The following TOX3 variants were observed in gnomAD, a reference collection of about 807,000 sequenced individuals.
The protein encoded by TOX3 is CAG trinucleotide repeat-containing gene F9 protein.
A neutral mutation model predicts 64.3 loss-of-function variants in TOX3; 22 were observed. The ratio of observed to expected loss-of-function variants is 0.34; its 90% CI spans 0.24 to 0.49. The LOEUF (loss-of-function observed/expected upper bound fraction) is 0.49, where lower values mean the gene tolerates loss of function less well. Among genes scored for constraint, TOX3 ranks in the 20% least tolerant of loss-of-function variants. The pLI is 0.99. For synonymous variants in TOX3, 291 were observed against 273.6 expected (o/e 1.06, Z -0.63); for missense variants, 661 against 714.4 (o/e 0.93, Z 0.85).
intron 6 of TOX3, among the ~76,000 whole-genome samples, chr16:52,442,762 A>T (rs1215208629): frequency 6.6e-6 from 1 of 152,222 alleles, no homozygotes; most frequent in East Asian, 1.9e-4. Flanking sequence ...GAGATTTAGG[A>T]TCCTCTCAAA....
At chr16:52,496,991 G>A (rs920685166) in intron 1 of TOX3, among the ~76,000 whole-genome samples, 3 of 151,938 alleles carry the variant, frequency 2.0e-5, no homozygotes, top group Non-Finnish European at 2.9e-5. Context: ...GTAGACGGAT[G>A]TTAAGTTTAA....
At chr16:52,476,272 C>A (rs1254618985) in intron 1 of TOX3, among the ~76,000 whole-genome samples, 1 of 152,142 alleles carries the variant, frequency 6.6e-6, no homozygotes, top group African/African-American at 2.4e-5. Flanking sequence ...AATGCCTAAA[C>A]ATATGGACTC....
intron 1 of TOX3, among the ~76,000 whole-genome samples, chr16:52,521,823 C>A (rs1041040340): frequency 2.0e-5 from 3 of 152,158 alleles, no homozygotes; most frequent in Non-Finnish European, 4.4e-5. Flanking sequence ...GGGTGTGGAG[C>A]GGCAACATGG....
chr16:52,472,043 G>A (rs1320384646), intron 1 of TOX3, among the ~76,000 whole-genome samples: 2 of 152,118 alleles, frequency 1.3e-5, no homozygotes, highest in Admixed American at 6.5e-5. Context: ...GAATTTCCCA[G>A]AGGTACTCAA....
At chr16:52,509,668 C>T (rs764241208) in intron 1 of TOX3, among the ~76,000 whole-genome samples, 1 of 152,180 alleles carries the variant, frequency 6.6e-6, no homozygotes, top group Non-Finnish European at 1.5e-5. Flanking sequence ...CTCACAATTC[C>T]TCCAGATGAT....
rs562039101 is a variant in TOX3, at chr16:52,518,375, T to C, written c.87+28262A>G. ...TTTAAATTTAATAAGGATCAGAATA[T>C]ATCAAAGCACAAATACCCATGGGAG... On this transcript the variant is annotated intron_variant, in intron 1 of 6. Transcript: ENST00000219746. Among the ~76,000 whole-genome samples, 514 of 152,298 alleles carry C rather than the reference T, an allele frequency of 3.4e-3. 1 individual carries two copies. The highest frequency in any genetic ancestry group is 4.8e-3 in the Non-Finnish European group (326 of 68,020).
intron 1 of TOX3, among the ~76,000 whole-genome samples, chr16:52,487,646 A>G (rs1481806450): frequency 1.3e-5 from 2 of 152,238 alleles, no homozygotes; most frequent in Admixed American, 1.3e-4. Flanking sequence ...AACAAAATGT[A>G]TAAGCCCCAA....
chr16:52,540,306 G>A (rs1350607099), intron 1 of TOX3, among the ~76,000 whole-genome samples: 2 of 151,282 alleles, frequency 1.3e-5, no homozygotes, highest in South Asian at 2.1e-4. Context: ...GGGACCACAG[G>A]TATGTGTGCA....
intron 6 of TOX3, among the ~76,000 whole-genome samples, chr16:52,441,533 T>A (rs1486746441): frequency 6.6e-6 from 1 of 152,190 alleles, no homozygotes; most frequent in Non-Finnish European, 1.5e-5. Flanking sequence ...CTTCCACTAA[T>A]GCAACAGTGA....
At chr16:52,460,820 TCTC>T (rs1422198550) in intron 3 of TOX3, among the ~76,000 whole-genome samples, 1 of 152,178 alleles carries the variant, frequency 6.6e-6, no homozygotes, top group Non-Finnish European at 1.5e-5. Flanking sequence ...AGATTTTTCT[TCTC>T]CTGGTGCACT....
intron 1 of TOX3, among the ~76,000 whole-genome samples, chr16:52,473,017 A>C (rs960126197): frequency 6.6e-6 from 1 of 152,212 alleles, no homozygotes; most frequent in Non-Finnish European, 1.5e-5. Flanking sequence ...TAGCTTGGGC[A>C]AATACAATTT....
chr16:52,493,105 C>T (rs1961741528), intron 1 of TOX3, among the ~76,000 whole-genome samples: 1 of 152,102 alleles, frequency 6.6e-6, no homozygotes, highest in Non-Finnish European at 1.5e-5. Flanking sequence ...AAAGACTATA[C>T]AGTCCTACAA....
At chr16:52,507,688 G>T (rs146073593) in intron 1 of TOX3, among the ~76,000 whole-genome samples, 3 of 152,244 alleles carry the variant, frequency 2.0e-5, no homozygotes, top group East Asian at 3.9e-4. Flanking sequence ...CATATTAATA[G>T]AGCAAAGGAA....
In TOX3 at chr16:52,465,005, C is replaced by CTTTTTTTTTTT. The variant is rs1168498170; in HGVS notation, c.154-828_154-818dup. 4.9e-3 allele frequency among the ~76,000 whole-genome samples: 349 copies of CTTTTTTTTTTT among 70,960 alleles called. 63 individuals are homozygous for CTTTTTTTTTTT. The highest frequency in any genetic ancestry group is 0.017 in the Middle Eastern group (1 of 60). The allele number at this position is 70,960 out of a possible 152,430, so 46.6% of individuals were successfully genotyped here. On this transcript the variant is annotated intron_variant, in intron 2 of 6. Transcript: ENST00000219746. ...AGACCTAAGTAAGTCTTAATGCATT[C>CTTTTTTTTTTT]TTTTTTTTTTTTTTTTTTTTTTTTT...
At chr16:52,463,865 A>C (rs1960771903) in intron 3 of TOX3, 69 bp downstream of exon 3, 2 of 1,454,912 alleles carry the variant, frequency 1.4e-6, no homozygotes, top group Admixed American at 2.6e-5. Context: ...CAGAACATGG[A>C]CTCTCAGATC....
In TOX3 at chr16:52,546,698, G is replaced by A. The variant is rs1339858979; in HGVS notation, c.26C>T (p.Ala9Val). 2 of 1,540,094 alleles carry A rather than the reference G, an allele frequency of 1.3e-6. No homozygotes were observed. The highest frequency in any genetic ancestry group is 8.7e-7 in the Non-Finnish European group (1 of 1,147,088). ...GTCCAGGCTGGCAGGGTCCCCGGCC[G>A]CCGCGGGGTAGAACCTCACATCCAT... MDVRFYPA[A>V]AGDPASLDFA... The change falls in exon 1 of 7, where the codon GCG (alanine) becomes GTG (valine). Residue 9 changes from alanine to valine, a missense_variant. This residue lies in a region of TOX3 where 259 missense variants were observed against 261.2 expected (regional missense o/e 0.99). Coordinates refer to ENST00000219746, the MANE Select transcript of TOX3 (RefSeq NM_001080430.4).
intron 1 of TOX3, among the ~76,000 whole-genome samples, chr16:52,502,778 C>T (rs1285437650): frequency 6.6e-6 from 1 of 152,130 alleles, no homozygotes; most frequent in Admixed American, 6.5e-5. Context: ...TAAAACACTA[C>T]CAAATAATAT....
chr16:52,499,726 A>G (rs1379749510), intron 1 of TOX3, among the ~76,000 whole-genome samples: 1 of 152,208 alleles, frequency 6.6e-6, no homozygotes, highest in Non-Finnish European at 1.5e-5. Flanking sequence ...CCATGGTTCT[A>G]CTGAGCTGAA....
intron 1 of TOX3, among the ~76,000 whole-genome samples, chr16:52,537,660 C>A (rs1962983602): frequency 6.6e-6 from 1 of 152,012 alleles, no homozygotes; most frequent in East Asian, 1.9e-4. Context: ...CTGTGGCTTC[C>A]AAGAAGATGA....
Sources: allele counts gnomAD v4.1 joint callset (sites outside exome capture counted in the v4.1 genomes callset), GRCh38; gene constraint gnomAD v4.1.1; regional missense constraint gnomAD v4.1.1; transcripts MANE v1.5; gene names NCBI Gene and HGNC (gene_info 2026-07-23, HGNC 2026-07-21).